GALNT13: variants seen among roughly 807,000 people sequenced by gnomAD.
GALNT13 encodes the protein polypeptide N-acetylgalactosaminyltransferase 13.
Under a neutral mutation model 64.2 loss-of-function variants are expected in GALNT13, and 28 were observed. The ratio of observed to expected loss-of-function variants is 0.44; its 90% CI spans 0.32 to 0.60. The LOEUF (loss-of-function observed/expected upper bound fraction) is 0.60. GALNT13 is among the 20% of genes least tolerant of loss of function. The pLI is 0.05. For missense variants in GALNT13, 577 were observed against 669.8 expected, an observed-to-expected ratio of 0.86 and a Z score of 1.53; for synonymous variants, 214 against 224.6, an observed-to-expected ratio of 0.95 and a Z score of 0.42.
the GALNT13 span, among the ~76,000 whole-genome samples, chr2:153,185,229 A>AT: frequency 6.6e-6 from 1 of 151,844 alleles, no homozygotes; most frequent in Admixed American, 6.6e-5. Flanking sequence ...TTTCTTCTAG[A>AT]TTTTCTAGCT....
At chr2:154,034,486 G>C (rs767140820) in intron 3 of GALNT13, among the ~76,000 whole-genome samples, 3 of 152,046 alleles carry the variant, frequency 2.0e-5, no homozygotes, top group African/African-American at 4.8e-5. Context: ...TTGTTACATG[G>C]ATATATTGCA....
At chr2:153,668,029 C>T in the GALNT13 span, among the ~76,000 whole-genome samples, 4,787 of 152,208 alleles carry the variant, frequency 0.031, 114 homozygotes, top group Middle Eastern at 0.061. Context: ...AAGGGCACTA[C>T]ATAATGATAA....
At chr2:154,286,251 T>C (rs970679055) in intron 8 of GALNT13, among the ~76,000 whole-genome samples, 1 of 152,256 alleles carries the variant, frequency 6.6e-6, no homozygotes, top group Admixed American at 6.5e-5. Flanking sequence ...GCATTCTTGT[T>C]GCTGACCTTA....
At chr2:154,340,258 A>G (rs928017773) in intron 9 of GALNT13, among the ~76,000 whole-genome samples, 2 of 151,752 alleles carry the variant, frequency 1.3e-5, no homozygotes, top group African/African-American at 4.8e-5. Flanking sequence ...TCATTTATTT[A>G]CTTATTTACC....
chr2:154,311,300 C>A (rs923330010), intron 9 of GALNT13, among the ~76,000 whole-genome samples: 1 of 151,990 alleles, frequency 6.6e-6, no homozygotes, highest in Non-Finnish European at 1.5e-5. Context: ...TTTTCCTAAG[C>A]GTCGACTGGC....
the GALNT13 span, among the ~76,000 whole-genome samples, chr2:153,792,864 A>G: frequency 1.3e-5 from 2 of 152,124 alleles, no homozygotes; most frequent in Non-Finnish European, 2.9e-5. Context: ...TTTGGGAAGA[A>G]TTGGGGTATT....
At chr2:153,348,853 C>T in the GALNT13 span, among the ~76,000 whole-genome samples, 58 of 152,174 alleles carry the variant, frequency 3.8e-4, no homozygotes, top group African/African-American at 1.4e-3. Context: ...TCTTCCACAT[C>T]AGGTGAGAGC....
intron 9 of GALNT13, among the ~76,000 whole-genome samples, chr2:154,309,096 C>T (rs964270229): frequency 6.6e-6 from 1 of 151,890 alleles, no homozygotes; most frequent in Non-Finnish European, 1.5e-5. Flanking sequence ...TTGTCTTTGC[C>T]GTTAAAGTGT....
intron 4 of GALNT13, among the ~76,000 whole-genome samples, chr2:154,153,703 G>A (rs1461565655): frequency 6.6e-6 from 1 of 152,190 alleles, no homozygotes; most frequent in African/African-American, 2.4e-5. Flanking sequence ...CTAGCAATCA[G>A]CGAGACTCCA....
the GALNT13 span, among the ~76,000 whole-genome samples, chr2:153,556,233 T>G: frequency 6.6e-6 from 1 of 152,174 alleles, no homozygotes; most frequent in Non-Finnish European, 1.5e-5. Context: ...GTATCATATT[T>G]AAAGGTTGGG....
At chr2:154,315,156 C>A (rs1173093296) in intron 9 of GALNT13, among the ~76,000 whole-genome samples, 3 of 152,150 alleles carry the variant, frequency 2.0e-5, no homozygotes, top group Admixed American at 6.5e-5. Flanking sequence ...ATACCACAAA[C>A]TTTTTTACAG....
rs1407881102 is a variant in GALNT13, at chr2:154,410,065, A to G, written c.1395+983A>G. ...TCCTAATTAGTGTTCCAAACTGTCA[A>G]TTTGAGCAAGAAAATATTTAAACCA... On this transcript the variant is annotated intron_variant, in intron 11 of 12. Transcript: ENST00000392825. Among the ~76,000 whole-genome samples the G allele has an allele frequency of 2.0e-5, 3 of 151,970 alleles. 1 individual carries two copies. The highest frequency in any genetic ancestry group is 7.2e-5 in the African/African-American group (3 of 41,408).
intron 3 of GALNT13, among the ~76,000 whole-genome samples, chr2:153,978,338 C>T (rs17439589): frequency 1.3e-5 from 2 of 151,942 alleles, no homozygotes; most frequent in African/African-American, 2.4e-5. Context: ...TGCATTCAGC[C>T]TGGGTATGAA....
the GALNT13 span, among the ~76,000 whole-genome samples, chr2:153,606,038 T>G: frequency 2.0e-5 from 3 of 152,166 alleles, no homozygotes; most frequent in East Asian, 5.8e-4. Context: ...TTCCCCATAT[T>G]TATACTCTTT....
the GALNT13 span, among the ~76,000 whole-genome samples, chr2:153,213,817 G>T: frequency 1.3e-5 from 2 of 152,176 alleles, no homozygotes; most frequent in Non-Finnish European, 1.5e-5. Flanking sequence ...CAAATTGTAG[G>T]GCATTCACTG....
intron 3 of GALNT13, among the ~76,000 whole-genome samples, chr2:153,988,273 T>C (rs1694938462): frequency 6.6e-6 from 1 of 151,894 alleles, no homozygotes. Context: ...AACTTATTCT[T>C]CTTGTCAGAA....
In GALNT13 at chr2:154,451,402, GA is replaced by G. The variant is rs1701866452; in HGVS notation, c.*852del. On this transcript the variant is annotated 3_prime_UTR_variant, in exon 13 of 13. Coordinates refer to ENST00000392825, the MANE Select transcript of GALNT13 (RefSeq NM_052917.4). ...CCATCCCTTTTCTCTTCACTCTATA[GA>G]CAGTGGCATGCCATTGATGCTGTAC... 1 of 152,004 alleles carries G rather than the reference GA, an allele frequency of 6.6e-6. No individual in the cohort carries two copies. Among genetic ancestry groups the G allele is most frequent in the Admixed American group, 6.6e-5 (1 of 15,214 alleles). The allele number at this position is 152,004 out of a possible 1,614,324, so 9.4% of individuals were successfully genotyped here. A position where few individuals can be genotyped will look rare whatever the true frequency, so the allele number is the denominator to read the frequency against.
At chr2:153,646,612 C>A in the GALNT13 span, among the ~76,000 whole-genome samples, 1 of 152,066 alleles carries the variant, frequency 6.6e-6, no homozygotes, top group Non-Finnish European at 1.5e-5. Context: ...TCTCTCCCCC[C>A]TCCCCCTACT....
intron 3 of GALNT13, among the ~76,000 whole-genome samples, chr2:154,118,205 G>A (rs950494984): frequency 2.7e-5 from 4 of 150,206 alleles, no homozygotes; most frequent in Admixed American, 1.3e-4. Context: ...AATTTTGGGT[G>A]CGGTGCATAT....
Sources: gnomAD v4.1 joint callset for allele counts (sites outside exome capture counted in the v4.1 genomes callset) on GRCh38, gnomAD v4.1.1 for gene constraint, MANE v1.5 for transcripts, NCBI Gene and HGNC (gene_info 2026-07-23, HGNC 2026-07-21) for gene names.